The following ZNF831 variants were observed in gnomAD, a reference collection of about 807,000 sequenced individuals.
The protein encoded by ZNF831 is chromosome 20 open reading frame 174.
In ZNF831, 59 loss-of-function variants were observed where a neutral mutation model predicts 95.8. The ratio of observed to expected loss-of-function variants is 0.62; its 90% CI spans 0.50 to 0.77. ZNF831 has a LOEUF of 0.77. Among genes scored for constraint, ZNF831 ranks in the 30% least tolerant of loss-of-function variants. The pLI is 0.00. For synonymous variants in ZNF831, 961 were observed against 925.5 expected, an observed-to-expected ratio of 1.04 and a Z score of -0.70; for missense variants, 2,205 against 2,164.0, an observed-to-expected ratio of 1.02 and a Z score of -0.38.
intron 1 of ZNF831, among the ~76,000 whole-genome samples, chr20:59,173,965 T>C (rs1981943462): frequency 6.6e-6 from 1 of 152,140 alleles, no homozygotes; most frequent in Non-Finnish European, 1.5e-5. Flanking sequence ...AAGCTGTGAT[T>C]TTAGCCACCA....
chr20:59,252,742 A>G (rs186200486), intron 4 of ZNF831, among the ~76,000 whole-genome samples: 1 of 152,360 alleles, frequency 6.6e-6, no homozygotes, highest in East Asian at 1.9e-4. Context: ...TGTATCATTC[A>G]GGGGTTTTTC....
intron 3 of ZNF831, among the ~76,000 whole-genome samples, chr20:59,203,610 C>T (rs1984681002): frequency 6.6e-6 from 1 of 152,220 alleles, no homozygotes; most frequent in African/African-American, 2.4e-5. Flanking sequence ...AAGCAGACCC[C>T]TGCATTAATC....
chr20:59,202,833 G>A (rs190515431), intron 3 of ZNF831, among the ~76,000 whole-genome samples: 24 of 152,226 alleles, frequency 1.6e-4, no homozygotes, highest in Admixed American at 6.5e-4. Flanking sequence ...TTTCCAGGGC[G>A]CAGCTCTCAC....
intron 4 of ZNF831, among the ~76,000 whole-genome samples, chr20:59,231,183 C>T (rs1568784717): frequency 6.6e-6 from 1 of 152,218 alleles, no homozygotes; most frequent in Non-Finnish European, 1.5e-5. Context: ...GTTACCCGGT[C>T]ATACTTAGCT....
At chr20:59,130,686 G>C (rs1979324319) in intron 1 of ZNF831, among the ~76,000 whole-genome samples, 1 of 152,174 alleles carries the variant, frequency 6.6e-6, no homozygotes, top group Non-Finnish European at 1.5e-5. Context: ...ATCCAAATTT[G>C]AGTCCCAGAG....
chr20:59,137,848 T>G (rs897936689), intron 1 of ZNF831, among the ~76,000 whole-genome samples: 1 of 152,230 alleles, frequency 6.6e-6, no homozygotes, highest in Non-Finnish European at 1.5e-5. Context: ...TTCATTTCAA[T>G]TCCTGTGTCA....
chr20:59,222,617 T>C (rs1986160404), intron 4 of ZNF831, among the ~76,000 whole-genome samples: 1 of 152,156 alleles, frequency 6.6e-6, no homozygotes, highest in South Asian at 2.1e-4. Context: ...TGTGAATTTA[T>C]TACCCGGAAG....
rs2146553168 is a variant in ZNF831, at chr20:59,191,755, C to T, written c.736C>T (p.Leu246Phe). ...GCACGAAGGCGCCTCGGAGAGACCC[C>T]TTTCTCCGGGTGCCCACGTGCCCCT... The part of the protein sequence containing the change: ...GMHEGASERP[L>F]SPGAHVPLLA... The change falls in exon 2 of 6, where the codon CTT becomes TTT. Residue 246 changes from leucine to phenylalanine, a missense_variant. Transcript: ENST00000371030. 6.2e-7 allele frequency: 1 copy of T among 1,607,230 alleles called. No individual in the cohort carries two copies. Among genetic ancestry groups the T allele is most frequent in the Non-Finnish European group, 8.5e-7 (1 of 1,176,476 alleles).
chr20:59,175,892 T>C (rs1601335592), intron 1 of ZNF831, among the ~76,000 whole-genome samples: 2 of 152,248 alleles, frequency 1.3e-5, no homozygotes, highest in East Asian at 3.8e-4. Context: ...GCTGGCTTCC[T>C]TTGCTACTGC....
intron 1 of ZNF831, among the ~76,000 whole-genome samples, chr20:59,183,473 A>C (rs1982778694): frequency 6.6e-6 from 1 of 152,228 alleles, no homozygotes; most frequent in South Asian, 2.1e-4. Flanking sequence ...ACATATTTGA[A>C]AAATTTTAAT....
At chr20:59,156,956 G>A (rs1012099880) in intron 2 of ZNF831, among the ~76,000 whole-genome samples, 6 of 152,122 alleles carry the variant, frequency 3.9e-5, no homozygotes, top group Non-Finnish European at 4.4e-5. Flanking sequence ...GCACATGGTA[G>A]GTGTATATAT....
intron 2 of ZNF831, among the ~76,000 whole-genome samples, chr20:59,152,142 G>T (rs530658363): frequency 6.6e-6 from 1 of 152,314 alleles, no homozygotes; most frequent in Non-Finnish European, 1.5e-5. Flanking sequence ...ATTGCTGTTT[G>T]CCAGGTACCA....
rs770965970 is a variant in ZNF831, at chr20:59,192,367, G to T, written c.1348G>T (p.Asp450Tyr). 1.1e-5 allele frequency: 18 copies of T among 1,611,710 alleles called. No homozygotes were observed. Among genetic ancestry groups the T allele is most frequent in the Non-Finnish European group, 1.5e-5 (18 of 1,179,418 alleles). ...CCTGCCCACGCCCTACACCTACAAG[G>T]ACTCCTTCCACTTTGACATCCGCGC... Reference protein sequence around the residue: ...IDLPTPYTYKDSFHFDIRALE... With the variant: ...IDLPTPYTYKYSFHFDIRALE... The change falls in exon 2 of 6, where the codon GAC (aspartate) becomes TAC (tyrosine). Residue 450 changes from aspartate to tyrosine, a missense_variant. Transcript: ENST00000371030. This position sits in a 1 kb window ranked among gnomAD's most constrained non-coding sequence, Gnocchi z 5.2.
rs1164280494 is a variant in ZNF831, at chr20:59,257,041, C to CG, written c.*2302dup. 6.6e-6 allele frequency: 1 copy of CG among 152,078 alleles called. No individual in the cohort carries two copies. Among genetic ancestry groups the CG allele is most frequent in the East Asian group, 2.0e-4 (1 of 5,028 alleles). The allele number at this position is 152,078 out of a possible 1,614,324, so 9.4% of individuals were successfully genotyped here. ...TTCTGGGTGGCTACTGTGGAATCAA[C>CG]GGGGTCACTGGCTGTAAATCAGTAA... On this transcript the variant is annotated 3_prime_UTR_variant, in exon 6 of 6. Coordinates refer to ENST00000371030, the MANE Select transcript of ZNF831 (RefSeq NM_178457.3).
At chr20:59,145,364 T>A (rs974207971) in intron 1 of ZNF831, among the ~76,000 whole-genome samples, 2 of 152,206 alleles carry the variant, frequency 1.3e-5, no homozygotes, top group East Asian at 3.8e-4. Context: ...TTACCCTTTT[T>A]GAAAATGTTG....
At chr20:59,152,968 GT>G (rs1980330594) in intron 2 of ZNF831, among the ~76,000 whole-genome samples, 2 of 152,150 alleles carry the variant, frequency 1.3e-5, no homozygotes, top group African/African-American at 4.8e-5. Flanking sequence ...GGACTTCTGT[GT>G]TTAAAAAAGA....
chr20:59,132,011 A>C (rs1037590621), intron 1 of ZNF831, among the ~76,000 whole-genome samples: 1 of 152,248 alleles, frequency 6.6e-6, no homozygotes, highest in Non-Finnish European at 1.5e-5. Context: ...AGTTCTCTCC[A>C]CATAGGGGTA....
At chr20:59,240,050 CT>C (rs1987235114) in intron 4 of ZNF831, among the ~76,000 whole-genome samples, 1 of 152,078 alleles carries the variant, frequency 6.6e-6, no homozygotes, top group Non-Finnish European at 1.5e-5. Flanking sequence ...GTGGAAGACT[CT>C]AAAGATTACC....
intron 1 of ZNF831, among the ~76,000 whole-genome samples, chr20:59,133,521 C>T (rs115522966): frequency 1.6e-3 from 237 of 152,256 alleles, no homozygotes; most frequent in African/African-American, 5.5e-3. Flanking sequence ...ACCAGATGGC[C>T]CTGCCCATGG....
Sources: gnomAD v4.1 joint callset for allele counts (sites outside exome capture counted in the v4.1 genomes callset) on GRCh38, gnomAD v4.1.1 for gene constraint, Gnocchi (gnomAD v3.1) non-coding constraint, MANE v1.5 for transcripts, NCBI Gene and HGNC (gene_info 2026-07-23, HGNC 2026-07-21) for gene names.